Variants in BMPER observed in about 807,000 individuals in gnomAD.
BMPER encodes the protein BMP binding endothelial regulator.
In BMPER, 45 loss-of-function variants were observed where a neutral mutation model predicts 87.3. The ratio of observed to expected loss-of-function variants is 0.52; its 90% CI spans 0.41 to 0.66. The LOEUF is 0.66. Ranked by LOEUF, BMPER falls within the 30% of genes least tolerant of loss-of-function variation. The pLI is 0.00. For synonymous variants in BMPER, 326 were observed against 316.2 expected, an observed-to-expected ratio of 1.03 and a Z score of -0.33; for missense variants, 784 against 867.5, an observed-to-expected ratio of 0.90 and a Z score of 1.21.
intron 3 of BMPER, among the ~76,000 whole-genome samples, chr7:33,944,643 T>C (rs1784840557): frequency 6.6e-6 from 1 of 152,220 alleles, no homozygotes; most frequent in Non-Finnish European, 1.5e-5. Flanking sequence ...TTTTCTTGGT[T>C]AGTCTCTTAA....
At chr7:33,932,722 A>T (rs2128607794) in intron 2 of BMPER, among the ~76,000 whole-genome samples, 1 of 152,134 alleles carries the variant, frequency 6.6e-6, no homozygotes, top group African/African-American at 2.4e-5. Context: ...CCAGATTTTG[A>T]TTCTATTATT....
intron 6 of BMPER, among the ~76,000 whole-genome samples, chr7:34,000,013 T>C (rs1044885691): frequency 6.6e-6 from 1 of 152,190 alleles, no homozygotes; most frequent in Non-Finnish European, 1.5e-5. Flanking sequence ...CTGTCACAAA[T>C]TGGTTAACAT....
intron 13 of BMPER, among the ~76,000 whole-genome samples, chr7:34,099,402 T>A (rs1243596749): frequency 6.6e-6 from 1 of 152,262 alleles, no homozygotes; most frequent in Non-Finnish European, 1.5e-5. Context: ...TGTGCTATAA[T>A]GTATTTTCAT....
intron 5 of BMPER, among the ~76,000 whole-genome samples, chr7:33,972,398 C>T (rs1019715486): frequency 1.3e-5 from 2 of 152,250 alleles, no homozygotes; most frequent in African/African-American, 2.4e-5. Context: ...AACAGCAGAG[C>T]GATCTATTTC....
In BMPER at chr7:33,972,329, T is replaced by G. The variant is rs539834838; in HGVS notation, c.493+1910T>G. 4.5e-4 allele frequency among the ~76,000 whole-genome samples: 68 copies of G among 152,298 alleles called. 2 individuals carry two copies. The South Asian group carries it at 0.014, about 31-fold the overall frequency. On this transcript the variant is annotated intron_variant, in intron 5 of 14. Coordinates refer to ENST00000649409, the MANE Select transcript of BMPER (RefSeq NM_001365308.1). The stretch of plus-strand genomic sequence containing the variant: ...CCAAGACCTCCCACCCTGTAGAACA[T>G]TCTCCTCACTTAGGAGATAGTCATA...
intron 6 of BMPER, among the ~76,000 whole-genome samples, chr7:34,023,742 T>C (rs182329673): frequency 1.4e-3 from 215 of 152,236 alleles, no homozygotes; most frequent in Middle Eastern, 3.4e-3. Context: ...AGGAATTGTG[T>C]GGCTATCATA....
chr7:34,023,610 G>C (rs190112517), intron 6 of BMPER, among the ~76,000 whole-genome samples: 1 of 152,008 alleles, frequency 6.6e-6, no homozygotes, highest in Middle Eastern at 3.2e-3. Flanking sequence ...ATCTTCTGAG[G>C]AGGGCCTAAA....
At chr7:33,912,709 A>T (rs1783993095) in intron 2 of BMPER, among the ~76,000 whole-genome samples, 1 of 152,192 alleles carries the variant, frequency 6.6e-6, no homozygotes, top group South Asian at 2.1e-4. Context: ...TGTGCTATAA[A>T]AGAATATGAG....
intron 11 of BMPER, among the ~76,000 whole-genome samples, chr7:34,066,272 A>T (rs764772752): frequency 3.9e-5 from 6 of 152,216 alleles, no homozygotes; most frequent in Non-Finnish European, 8.8e-5. Context: ...CCACAGTAAG[A>T]CAGTTTTTGT....
rs1785512033 is a variant in BMPER, at chr7:33,970,371, T to A, written c.445T>A (p.Cys149Ser). Reference protein sequence around the residue: ...TESGVRCVVHCKNPLEHLGMC... With the variant: ...TESGVRCVVHSKNPLEHLGMC... ...GTCTGGGGTGCGCTGTGTTGTTCAT[T>A]GTAAAAACCCTTTGGAGCATCTGGG... The change falls in exon 5 of 15, where the codon TGT becomes AGT. Residue 149 changes from cysteine (C) to serine (S), a missense_variant. Physicochemically the swap from Cys to Ser is moderately radical, Grantham distance 112 (BLOSUM62 -1). Coordinates refer to ENST00000649409, the MANE Select transcript of BMPER (RefSeq NM_001365308.1). 3 of 1,614,200 alleles carry A rather than the reference T, an allele frequency of 1.9e-6. No individual in the cohort carries two copies. The highest frequency in any genetic ancestry group is 2.5e-6 in the Non-Finnish European group (3 of 1,180,028).
intron 13 of BMPER, among the ~76,000 whole-genome samples, chr7:34,115,355 A>T (rs1790089380): frequency 1.3e-5 from 2 of 152,236 alleles, no homozygotes; most frequent in African/African-American, 2.4e-5. Context: ...GTTCACACAC[A>T]TATATAATTC....
intron 6 of BMPER, among the ~76,000 whole-genome samples, chr7:34,032,104 T>G (rs569330887): frequency 6.6e-6 from 1 of 151,426 alleles, no homozygotes; most frequent in East Asian, 1.9e-4. Flanking sequence ...TCTGTTCTTT[T>G]CATGAACTCT....
chr7:34,007,268 C>T (rs1469422112), intron 6 of BMPER, among the ~76,000 whole-genome samples: 1 of 152,054 alleles, frequency 6.6e-6, no homozygotes, highest in Non-Finnish European at 1.5e-5. Context: ...TTTTCCTGTA[C>T]TTTGCTCTTA....
intron 6 of BMPER, among the ~76,000 whole-genome samples, chr7:33,989,786 T>A (rs1786148929): frequency 6.6e-6 from 1 of 152,208 alleles, no homozygotes; most frequent in Non-Finnish European, 1.5e-5. Flanking sequence ...TTGAATTGAT[T>A]TTTGTATAAG....
intron 2 of BMPER, among the ~76,000 whole-genome samples, chr7:33,907,980 G>A (rs534548048): frequency 6.6e-6 from 1 of 152,186 alleles, no homozygotes; most frequent in African/African-American, 2.4e-5. Flanking sequence ...TATCAGGTTC[G>A]GAAGACTAAG....
chr7:34,016,009 T>A (rs1047577834), intron 6 of BMPER, among the ~76,000 whole-genome samples: 14 of 142,730 alleles, frequency 9.8e-5, no homozygotes, highest in Middle Eastern at 3.6e-3. Context: ...AGAGAGAGAG[T>A]GAGAGAGAGA....
Position 34,105,140 on chromosome 7 carries a change from G to A in BMPER, c.1745+19048G>A, listed in dbSNP as rs571945558. Reference sequence around the variant, plus strand: ...TGTGTCTACATGTTCTGGGCTATTTGTGAGTGTGCTGGTAGAGTCATGTTG... The same window carrying A: ...TGTGTCTACATGTTCTGGGCTATTTATGAGTGTGCTGGTAGAGTCATGTTG... On this transcript the variant is annotated intron_variant, in intron 13 of 14. Transcript: ENST00000649409. Among the ~76,000 whole-genome samples the A allele has an allele frequency of 2.0e-5, 3 of 152,308 alleles. No homozygotes were observed. In the South Asian group the frequency reaches 6.2e-4, roughly 32 times the overall value.
intron 13 of BMPER, among the ~76,000 whole-genome samples, chr7:34,115,727 C>T (rs1351086254): frequency 6.6e-6 from 1 of 152,220 alleles, no homozygotes. Context: ...ATTTATTTAT[C>T]CATTCATTGT....
At chr7:33,946,114 C>T (rs1784888603) in intron 3 of BMPER, among the ~76,000 whole-genome samples, 2 of 152,152 alleles carry the variant, frequency 1.3e-5, no homozygotes, top group African/African-American at 2.4e-5. Flanking sequence ...ACAATCATGG[C>T]AGAAAGCACC....
Sources: gnomAD v4.1 joint callset for allele counts (sites outside exome capture counted in the v4.1 genomes callset) on GRCh38, gnomAD v4.1.1 for gene constraint, MANE v1.5 for transcripts, NCBI Gene and HGNC (gene_info 2026-07-23, HGNC 2026-07-21) for gene names.